The following CDH23 variants were observed in gnomAD, a reference collection of about 807,000 sequenced individuals.
The protein encoded by CDH23 is cadherin-23.
A neutral mutation model predicts 317.1 loss-of-function variants in CDH23; 189 were observed. That is an observed-to-expected ratio of 0.60 (90% CI 0.53 to 0.67). The LOEUF (loss-of-function observed/expected upper bound fraction) is 0.67. Ranked by LOEUF, CDH23 falls within the 30% of genes least tolerant of loss-of-function variation. The pLI is 0.00. For synonymous variants in CDH23, 1,839 were observed against 1,876.8 expected, an observed-to-expected ratio of 0.98 and a Z score of 0.52; for missense variants, 4,401 against 4,592.4, an observed-to-expected ratio of 0.96 and a Z score of 1.20.
At chr10:71,573,634 CTT>C (rs754659706) in intron 8 of CDH23, among the ~76,000 whole-genome samples, 29 of 152,236 alleles carry the variant, frequency 1.9e-4, no homozygotes, top group Non-Finnish European at 3.2e-4. Context: ...CTTGATGTCT[CTT>C]TGCCTCACCA....
At position 71,702,582 on chromosome 10, in the gene CDH23, C is replaced by T; in HGVS notation, c.2621C>T (p.Ala874Val). 1 of 1,614,004 alleles carries T rather than the reference C, an allele frequency of 6.2e-7. No homozygotes were observed. The highest frequency in any genetic ancestry group is 8.5e-7 in the Non-Finnish European group (1 of 1,179,884). The change falls in exon 24 of 70, where the codon GCC (alanine) becomes GTC (valine). Residue 874 changes from alanine (A) to valine (V), a missense_variant. Coordinates refer to ENST00000224721, the MANE Select transcript of CDH23 (RefSeq NM_022124.6). ...GRPPLKATSS[A>V]TVFVNLLDLN... is the part of the protein sequence containing the mutation. ...CCCCCTCTGAAAGCCACCAGCAGTG[C>T]CACAGTGTTTGTGAACCTCTTGGAT...
intron 14 of CDH23, among the ~76,000 whole-genome samples, chr10:71,661,208 C>T (rs568751398): frequency 3.4e-4 from 52 of 152,122 alleles, no homozygotes; most frequent in Non-Finnish European, 7.3e-4. Context: ...TGAGATGTGA[C>T]GAGACAGAAA....
chr10:71,685,915 A>G (rs972826646), intron 18 of CDH23, among the ~76,000 whole-genome samples: 11 of 152,120 alleles, frequency 7.2e-5, no homozygotes, highest in South Asian at 2.1e-4. Context: ...TTTTCTCCCA[A>G]TTGGAATTTA....
intron 65 of CDH23, 92 bp from the exon 66 acceptor site, chr10:71,811,863 A>C: frequency 6.3e-7 from 1 of 1,592,382 alleles, no homozygotes; most frequent in South Asian, 1.1e-5. Flanking sequence ...GCCCAGGACC[A>C]TGCCCCGCAC....
chr10:71,449,137 A>G (rs7099452), intron 3 of CDH23, among the ~76,000 whole-genome samples: 137,673 of 152,306 alleles, frequency 0.9, 62,483 homozygotes, highest in African/African-American at 0.97. Context: ...GGGAGAGCCC[A>G]TGTGTGGCCC....
In CDH23 at chr10:71,739,681, C is replaced by A. The variant is rs778776723; in HGVS notation, c.4397C>A (p.Ala1466Asp). The change falls in exon 36 of 70, where the codon GCC (alanine) becomes GAC (aspartate). Residue 1466 changes from alanine to aspartate, a missense_variant. By Grantham distance (126) the Ala-to-Asp change is moderately radical. Transcript: ENST00000224721. ...FSLASGNIAG[A>D]FEIVTTNDSI... ...CTGGCCTCTGGCAACATCGCGGGGGCCTTTGAGATCGTCACCACCAATGAC... is the reference window on the plus strand; with the variant it reads ...CTGGCCTCTGGCAACATCGCGGGGGACTTTGAGATCGTCACCACCAATGAC... 6.8e-6 allele frequency: 11 copies of A among 1,613,314 alleles called. No homozygotes were observed. Among genetic ancestry groups the A allele is most frequent in the Non-Finnish European group, 9.3e-6 (11 of 1,179,600 alleles).
chr10:71,474,706 C>T (rs145164187), intron 3 of CDH23, among the ~76,000 whole-genome samples: 6 of 152,366 alleles, frequency 3.9e-5, no homozygotes, highest in Non-Finnish European at 8.8e-5. Context: ...CACAGGTCCA[C>T]ATGCATCTTC....
intron 26 of CDH23, chr10:71,707,455 C>G: frequency 1.6e-6 from 2 of 1,215,484 alleles, no homozygotes; most frequent in East Asian, 7.8e-5. Context: ...GAATTCCCAC[C>G]TGTTTAGAGG....
chr10:71,630,197 C>A (rs953343991), intron 11 of CDH23, among the ~76,000 whole-genome samples: 3 of 152,008 alleles, frequency 2.0e-5, no homozygotes, highest in Non-Finnish European at 4.4e-5. Context: ...AATTTTTAAA[C>A]TTTTTGTAGA....
chr10:71,448,711 T>A (rs1030792562), intron 3 of CDH23, among the ~76,000 whole-genome samples: 2 of 152,098 alleles, frequency 1.3e-5, no homozygotes, highest in Non-Finnish European at 1.5e-5. Flanking sequence ...ATGAGCCCAG[T>A]GGACTTTGGC....
At position 71,646,579 on chromosome 10, in the gene CDH23, G is replaced by A. The variant is rs778511495; in HGVS notation, c.1411G>A (p.Glu471Lys). The A allele has an allele frequency of 5.0e-6, 8 of 1,613,890 alleles. No individual in the cohort carries two copies. The Admixed American group carries it at 5.0e-5, about 10-fold the overall frequency. Reference protein sequence around the residue: ...SQPLYNISLYENVTVGTSVLT... With the variant: ...SQPLYNISLYKNVTVGTSVLT... ...GCCACTGTACAACATCAGCCTGTACGAGAACGTCACCGTGGGGACCTCTGT... is the reference window on the plus strand; with the variant it reads ...GCCACTGTACAACATCAGCCTGTACAAGAACGTCACCGTGGGGACCTCTGT... The change falls in exon 14 of 70, where the codon GAG becomes AAG. Residue 471 changes from glutamate (E) to lysine (K), a missense_variant. This residue lies in a region of CDH23 where 3,068 missense variants were observed against 3,203.3 expected (regional missense o/e 0.96). Coordinates refer to ENST00000224721, the MANE Select transcript of CDH23 (RefSeq NM_022124.6).
intron 22 of CDH23, among the ~76,000 whole-genome samples, chr10:71,698,684 A>G (rs980240471): frequency 1.3e-5 from 2 of 152,162 alleles, no homozygotes; most frequent in Non-Finnish European, 2.9e-5. Flanking sequence ...CATCTGTCCC[A>G]GCTTAAAACG....
rs1862864176 is a variant in CDH23, at chr10:71,646,456, C to T, written c.1291-3C>T. On this transcript the variant is annotated splice_region_variant and splice_polypyrimidine_tract_variant and intron_variant, in intron 13 of 69. Coordinates refer to ENST00000224721, the MANE Select transcript of CDH23 (RefSeq NM_022124.6). Reference sequence around the variant, plus strand: ...TACCTGGGCCCCTGTTCTGCACCCCCAGCTCTTTGCCAATGAGAGTGTGCC... The same window carrying T: ...TACCTGGGCCCCTGTTCTGCACCCCTAGCTCTTTGCCAATGAGAGTGTGCC... 6.2e-7 allele frequency: 1 copy of T among 1,613,444 alleles called. No homozygotes were observed. Among genetic ancestry groups the T allele is most frequent in the Non-Finnish European group, 8.5e-7 (1 of 1,179,690 alleles).
intron 14 of CDH23, among the ~76,000 whole-genome samples, chr10:71,669,647 C>T (rs1864060622): frequency 1.3e-5 from 2 of 152,090 alleles, no homozygotes; most frequent in South Asian, 4.2e-4. Flanking sequence ...TGGGTTTCAC[C>T]GTGTTGGCCA....
intron 3 of CDH23, among the ~76,000 whole-genome samples, chr10:71,472,852 G>T (rs1366717892): frequency 2.6e-5 from 4 of 152,212 alleles, no homozygotes; most frequent in Non-Finnish European, 5.9e-5. Context: ...CTTTAATTGT[G>T]CTCGGAATGA....
chr10:71,503,343 G>A (rs1411333464), intron 3 of CDH23, among the ~76,000 whole-genome samples: 1 of 152,222 alleles, frequency 6.6e-6, no homozygotes, highest in Non-Finnish European at 1.5e-5. Context: ...ACTGATTTGG[G>A]TGTTATTAGG....
chr10:71,446,473 A>G, intron 3 of CDH23, 78 bp downstream of exon 3: 1 of 1,392,652 alleles, frequency 7.2e-7, no homozygotes, highest in South Asian at 1.2e-5. Context: ...GGGATCTTAC[A>G]GGTTGAGGTC....
intron 14 of CDH23, among the ~76,000 whole-genome samples, chr10:71,661,852 C>A (rs1372961396): frequency 6.8e-5 from 4 of 58,960 alleles, no homozygotes; most frequent in Non-Finnish European, 3.8e-5. Context: ...CCCTGCACGT[C>A]CCCTCCCACC....
chr10:71,769,502 ATAT>A (rs1840638533), intron 38 of CDH23, among the ~76,000 whole-genome samples: 1 of 152,260 alleles, frequency 6.6e-6, no homozygotes, highest in African/African-American at 2.4e-5. Context: ...AAATAAGTAA[ATAT>A]TATGAAAGGC....
Sources: allele counts gnomAD v4.1 joint callset (sites outside exome capture counted in the v4.1 genomes callset), GRCh38; gene constraint gnomAD v4.1.1; regional missense constraint gnomAD v4.1.1; transcripts MANE v1.5; gene names NCBI Gene and HGNC (gene_info 2026-07-23, HGNC 2026-07-21).